ADGB: variants seen among roughly 807,000 people sequenced by gnomAD.
The protein encoded by ADGB is calpain-7-like protein.
A neutral mutation model predicts 210.5 loss-of-function variants in ADGB; 172 were observed. The ratio of observed to expected loss-of-function variants is 0.82; its 90% CI spans 0.72 to 0.93. ADGB has a LOEUF of 0.93. Among genes scored for constraint, ADGB ranks in the 40% least tolerant of loss-of-function variants. The pLI is 0.00. For synonymous variants in ADGB, 658 were observed against 662.7 expected, an observed-to-expected ratio of 0.99 and a Z score of 0.11; for missense variants, 2,025 against 1,964.8, an observed-to-expected ratio of 1.03 and a Z score of -0.58.
chr6:146,647,305 T>A (rs1310633504), intron 3 of ADGB, among the ~76,000 whole-genome samples: 2 of 151,918 alleles, frequency 1.3e-5, no homozygotes, highest in Non-Finnish European at 2.9e-5. Flanking sequence ...ATTATCTTGA[T>A]AAAATATAAA....
intron 3 of ADGB, among the ~76,000 whole-genome samples, chr6:146,652,116 T>C (rs1775711651): frequency 6.6e-6 from 1 of 152,184 alleles, no homozygotes; most frequent in Admixed American, 6.5e-5. Flanking sequence ...GGTACAGGTA[T>C]AGGCAGTAAA....
rs529467998 is a variant in ADGB, at chr6:146,616,150, A to T, written c.74+17036A>T. ...GTGTCTTCTTGTGGTTTTGATTTGC[A>T]TATCCCTGATGATTAATGATGTTGA... On this transcript the variant is annotated intron_variant, in intron 1 of 35. Transcript: ENST00000397944. 3.9e-5 allele frequency among the ~76,000 whole-genome samples: 6 copies of T among 152,078 alleles called. 1 individual carries two copies. The East Asian group carries it at 7.7e-4, about 20-fold the overall frequency.
chr6:146,812,491 G>A lies in ADGB; in HGVS notation c.4819-2541G>A, dbSNP rs138699208. ...GTAGGAAAAGGCAGGTAGGTGGTGA[G>A]GCAAATGGTTACACATTTCTGTGAG... On this transcript the variant is annotated intron_variant, in intron 35 of 35. Transcript: ENST00000397944. 3.9e-3 allele frequency among the ~76,000 whole-genome samples: 590 copies of A among 152,302 alleles called. 3 individuals carry two copies. Among genetic ancestry groups the A allele is most frequent in the African/African-American group, 0.013 (549 of 41,554 alleles).
intron 4 of ADGB, among the ~76,000 whole-genome samples, chr6:146,655,637 C>G (rs551143456): frequency 7.6e-4 from 116 of 152,138 alleles, no homozygotes; most frequent in Non-Finnish European, 1.2e-3. Flanking sequence ...TTTCTTCAAC[C>G]AGTTATACAT....
chr6:146,789,874 T>TTGG (rs1777930007), intron 33 of ADGB, among the ~76,000 whole-genome samples: 1 of 152,184 alleles, frequency 6.6e-6, no homozygotes, highest in Non-Finnish European at 1.5e-5. Flanking sequence ...AACCTGGACT[T>TTGG]ACACCCAGCT....
At chr6:146,785,227 C>T (rs1777857161) in intron 31 of ADGB, among the ~76,000 whole-genome samples, 1 of 152,028 alleles carries the variant, frequency 6.6e-6, no homozygotes. Flanking sequence ...TCTAGAGACC[C>T]TAGAGAGTCT....
chr6:146,607,762 G>C (rs1006582034), intron 1 of ADGB, among the ~76,000 whole-genome samples: 5 of 151,998 alleles, frequency 3.3e-5, no homozygotes, highest in African/African-American at 1.2e-4. Flanking sequence ...TGGTAAATTA[G>C]CTTTTTGATG....
chr6:146,649,774 G>A (rs953324526), intron 3 of ADGB, among the ~76,000 whole-genome samples: 1 of 152,034 alleles, frequency 6.6e-6, no homozygotes, highest in African/African-American at 2.4e-5. Flanking sequence ...TTACAGGTGT[G>A]AGCCACCATG....
At chr6:146,763,536 A>C (rs1296948172) in intron 27 of ADGB, among the ~76,000 whole-genome samples, 3 of 151,958 alleles carry the variant, frequency 2.0e-5, no homozygotes, top group Non-Finnish European at 4.4e-5. Context: ...AAAATTGAAA[A>C]TTAAAGAGAA....
intron 13 of ADGB, among the ~76,000 whole-genome samples, chr6:146,707,184 T>C (rs1278699200): frequency 6.6e-6 from 1 of 152,162 alleles, no homozygotes; most frequent in Non-Finnish European, 1.5e-5. Flanking sequence ...ACTCATTCCA[T>C]TGTGGTTATA....
In ADGB at chr6:146,762,662, G is replaced by A. The variant is rs78108392; in HGVS notation, c.3551-1239G>A. Reference sequence around the variant, plus strand: ...AAAGAGTGTTGAATCTTGTTCTGGCGGGCAGTTAATTTATTGGCAGCTTGA... The same window carrying A: ...AAAGAGTGTTGAATCTTGTTCTGGCAGGCAGTTAATTTATTGGCAGCTTGA... On this transcript the variant is annotated intron_variant, in intron 27 of 35. Coordinates refer to ENST00000397944, the MANE Select transcript of ADGB (RefSeq NM_024694.4). Among the ~76,000 whole-genome samples, 25 of 152,020 alleles carry A rather than the reference G, an allele frequency of 1.6e-4. No homozygotes were observed. In the East Asian group the frequency reaches 4.3e-3, roughly 26 times the overall value.
chr6:146,801,148 C>A, intron 33 of ADGB, 35 bp from the exon 34 acceptor site: 2 of 1,221,238 alleles, frequency 1.6e-6, no homozygotes, highest in Non-Finnish European at 2.2e-6. Context: ...TTTTTAAAGC[C>A]TAGGTTTTTT....
chr6:146,782,086 G>T lies in ADGB; in HGVS notation c.3929G>T (p.Gly1310Val), dbSNP rs1326102450. The change falls in exon 30 of 36, where the codon GGA becomes GTA. Residue 1310 changes from glycine to valine, a missense_variant. Physicochemically the swap from Gly to Val is moderately radical, Grantham distance 109. Transcript: ENST00000397944. Reference protein sequence around the residue: ...GSPDSHTISEGQKSSVTSKTT... With the variant: ...GSPDSHTISEVQKSSVTSKTT... ...CCAGACTCCCACACTATTAGTGAGG[G>T]ACAAAAATCTTCAGTAACTTCCAAA... 6.5e-7 allele frequency: 1 copy of T among 1,548,052 alleles called. No homozygotes were observed. The highest frequency in any genetic ancestry group is 1.4e-5 in the African/African-American group (1 of 72,962).
chr6:146,600,991 A>C (rs1005012149), intron 1 of ADGB, among the ~76,000 whole-genome samples: 5 of 151,824 alleles, frequency 3.3e-5, no homozygotes, highest in African/African-American at 9.7e-5. Context: ...TGATGGTTAC[A>C]AGTAATGCAC....
chr6:146,690,056 G>A (rs1464665574), intron 10 of ADGB, among the ~76,000 whole-genome samples: 5 of 152,054 alleles, frequency 3.3e-5, no homozygotes, highest in Non-Finnish European at 7.4e-5. Context: ...AGCCACTGCT[G>A]GACTCACTAG....
chr6:146,641,075 A>G (rs182948491), intron 2 of ADGB, among the ~76,000 whole-genome samples: 72 of 152,106 alleles, frequency 4.7e-4, no homozygotes, highest in Middle Eastern at 3.4e-3. Flanking sequence ...TGCAGGATAC[A>G]AATTCAATGT....
intron 27 of ADGB, among the ~76,000 whole-genome samples, chr6:146,757,956 C>G (rs932636891): frequency 2.0e-4 from 30 of 152,112 alleles, no homozygotes; most frequent in African/African-American, 6.7e-4. Flanking sequence ...AATTAGGGCA[C>G]AAGTGCAGTG....
At chr6:146,681,189 A>T (rs1347209717) in intron 9 of ADGB, among the ~76,000 whole-genome samples, 1 of 152,144 alleles carries the variant, frequency 6.6e-6, no homozygotes, top group Admixed American at 6.6e-5. Context: ...GTGGACCTGA[A>T]GGCAGATCCC....
chr6:146,680,468 C>T (rs1161842022), intron 9 of ADGB, among the ~76,000 whole-genome samples: 2 of 152,164 alleles, frequency 1.3e-5, no homozygotes, highest in African/African-American at 4.8e-5. Flanking sequence ...GATAAATTAA[C>T]TCCTGCCAGA....
Sources: allele counts gnomAD v4.1 joint callset (sites outside exome capture counted in the v4.1 genomes callset), GRCh38; gene constraint gnomAD v4.1.1; transcripts MANE v1.5; gene names NCBI Gene and HGNC (gene_info 2026-07-23, HGNC 2026-07-21).